PREX1: variants seen among roughly 807,000 people sequenced by gnomAD.
The protein encoded by PREX1 is phosphatidylinositol 3,4,5-trisphosphate-dependent Rac exchanger 1 protein.
Under a neutral mutation model 198.3 loss-of-function variants are expected in PREX1, and 41 were observed. The ratio of observed to expected loss-of-function variants is 0.21; its 90% CI spans 0.16 to 0.27. The LOEUF (loss-of-function observed/expected upper bound fraction) is 0.27, where lower values mean the gene tolerates loss of function less well. PREX1 is among the 10% of genes least tolerant of loss of function. PREX1 has a pLI of 1.00. For missense variants in PREX1, 1,620 were observed against 2,200.7 expected, an observed-to-expected ratio of 0.74 and a Z score of 5.28; for synonymous variants, 843 against 887.2, an observed-to-expected ratio of 0.95 and a Z score of 0.89.
At chr20:48,844,749 G>A in the PREX1 span, among the ~76,000 whole-genome samples, 22 of 152,218 alleles carry the variant, frequency 1.4e-4, no homozygotes, top group African/African-American at 3.9e-4. Flanking sequence ...CTCTTGAGCC[G>A]AATTACCCAA....
At chr20:48,754,407 A>G (rs981567197) in intron 1 of PREX1, among the ~76,000 whole-genome samples, 7 of 152,178 alleles carry the variant, frequency 4.6e-5, no homozygotes, top group African/African-American at 1.7e-4. Flanking sequence ...AATGAACCGC[A>G]TCAGCCTTTA....
intron 7 of PREX1, among the ~76,000 whole-genome samples, chr20:48,697,701 C>T (rs1186318419): frequency 6.6e-6 from 1 of 152,040 alleles, no homozygotes; most frequent in Non-Finnish European, 1.5e-5. Context: ...TTCTTAATGG[C>T]GACACACTAC....
At chr20:48,724,250 TC>T (rs1354480167) in intron 5 of PREX1, among the ~76,000 whole-genome samples, 28 of 150,826 alleles carry the variant, frequency 1.9e-4, no homozygotes, top group East Asian at 1.2e-3. Flanking sequence ...AAAGGCCACT[TC>T]CTTTCTCTGT....
At chr20:48,693,331 A>G (rs1160970242) in intron 7 of PREX1, among the ~76,000 whole-genome samples, 1 of 151,994 alleles carries the variant, frequency 6.6e-6, no homozygotes, top group South Asian at 2.1e-4. Flanking sequence ...TTATATCCTA[A>G]CCCCCAAGGT....
chr20:48,649,647 T>C (rs539628767), intron 24 of PREX1, 71 bp from the exon 25 acceptor site: 3 of 1,461,874 alleles, frequency 2.1e-6, no homozygotes, highest in South Asian at 1.4e-5. Flanking sequence ...GGCGGAACAA[T>C]ACAAACCCAT....
rs756415189 is a variant in PREX1, at chr20:48,666,324, G to A, written c.1697C>T (p.Ala566Val). The A allele has an allele frequency of 1.2e-5, 19 of 1,569,970 alleles. No individual in the cohort carries two copies. The highest frequency in any genetic ancestry group is 3.6e-5 in the Admixed American group (2 of 54,860). Residue 566 changes from alanine to valine, a missense_variant, in exon 15 of 40, where the codon GCG becomes GTG. Physicochemically the swap from Ala to Val is moderately conservative, Grantham distance 64. Transcript: ENST00000371941. The surrounding 1 kb of genome is among the most constrained non-coding windows in gnomAD (Gnocchi z 4.3). ...ATTGTTGCACAGACCCACGCCGAGC[G>A]CCACTGCCTCCTCCCGAGTCTGGCA... is the stretch of plus-strand genomic sequence containing the variant. ...GDCQTREEAV[A>V]LGVGLCNNGF...
chr20:48,697,194 C>T (rs1016122882), intron 7 of PREX1, among the ~76,000 whole-genome samples: 3 of 152,104 alleles, frequency 2.0e-5, no homozygotes, highest in Admixed American at 2.0e-4. Flanking sequence ...CTTGACCACG[C>T]ACCAGGCCTT....
chr20:48,804,467 C>G (rs181486619), intron 1 of PREX1, among the ~76,000 whole-genome samples: 38 of 152,292 alleles, frequency 2.5e-4, no homozygotes, highest in African/African-American at 7.7e-4. Context: ...GAGAATGTTC[C>G]CGACCAACAG....
the PREX1 span, among the ~76,000 whole-genome samples, chr20:48,840,967 TA>T: frequency 0.99 from 149,036 of 151,028 alleles, 73,538 homozygotes; most frequent in East Asian, 1. Flanking sequence ...AGTAGCTGAT[TA>T]AAAAAAAAAA....
At chr20:48,696,078 G>A (rs2089843890) in intron 7 of PREX1, among the ~76,000 whole-genome samples, 1 of 152,162 alleles carries the variant, frequency 6.6e-6, no homozygotes, top group South Asian at 2.1e-4. Flanking sequence ...TCTCCTTACA[G>A]TATTTTTTAA....
intron 5 of PREX1, among the ~76,000 whole-genome samples, 191 bp downstream of exon 5, chr20:48,726,099 C>G (rs2090008603): frequency 6.6e-6 from 1 of 152,170 alleles, no homozygotes; most frequent in Non-Finnish European, 1.5e-5. Context: ...CCACCTGCTG[C>G]CACACTGAAA....
intron 15 of PREX1, among the ~76,000 whole-genome samples, chr20:48,664,102 C>T (rs1347456341): frequency 2.6e-5 from 4 of 152,126 alleles, no homozygotes; most frequent in Admixed American, 2.6e-4. Context: ...TGGTCGGGCG[C>T]GGTGGCTCAC....
chr20:48,632,758 G>A, intron 33 of PREX1, 119 bp from the exon 34 acceptor site: 1 of 1,113,292 alleles, frequency 9.0e-7, no homozygotes, highest in Non-Finnish European at 1.3e-6. Context: ...GGGCACCCTG[G>A]GACCTCCCTG....
intron 17 of PREX1, 29 bp downstream of exon 17, chr20:48,658,107 G>T (rs2089559481): frequency 6.2e-7 from 1 of 1,603,114 alleles, no homozygotes; most frequent in Admixed American, 1.7e-5. Flanking sequence ...CCTGCACACG[G>T]TCCCTGCCAG....
At chr20:48,812,362 G>C (rs1475382372) in intron 1 of PREX1, among the ~76,000 whole-genome samples, 1 of 150,194 alleles carries the variant, frequency 6.7e-6, no homozygotes, top group Non-Finnish European at 1.5e-5. Context: ...AAGAGGAATG[G>C]GTAAATAATA....
chr20:48,793,425 T>C (rs1415193980), intron 1 of PREX1, among the ~76,000 whole-genome samples: 1 of 152,198 alleles, frequency 6.6e-6, no homozygotes, highest in Admixed American at 6.5e-5. Context: ...GGCATGTGAA[T>C]TATACTCAAT....
chr20:48,663,397 C>T (rs2089611393), intron 15 of PREX1, among the ~76,000 whole-genome samples: 1 of 152,160 alleles, frequency 6.6e-6, no homozygotes, highest in Non-Finnish European at 1.5e-5. Context: ...TGTGGTGGCG[C>T]ATGCCTGTAA....
intron 4 of PREX1, among the ~76,000 whole-genome samples, chr20:48,733,394 A>G (rs1294502106): frequency 1.3e-5 from 2 of 152,162 alleles, no homozygotes; most frequent in Admixed American, 6.5e-5. Context: ...GTCTACAGCA[A>G]TTGGTTCAGG....
intron 1 of PREX1, among the ~76,000 whole-genome samples, chr20:48,773,084 T>A (rs1021295349): frequency 2.0e-5 from 3 of 151,828 alleles, no homozygotes; most frequent in Non-Finnish European, 4.4e-5. Flanking sequence ...CTCGCCAACA[T>A]GGCAAAACCT....
Sources: allele counts gnomAD v4.1 joint callset (sites outside exome capture counted in the v4.1 genomes callset), GRCh38; gene constraint gnomAD v4.1.1; non-coding constraint Gnocchi (gnomAD v3.1); transcripts MANE v1.5; gene names NCBI Gene and HGNC (gene_info 2026-07-23, HGNC 2026-07-21).